PLCG2: variants seen among roughly 807,000 people sequenced by gnomAD.
PLCG2 encodes the protein 1-phosphatidylinositol 4,5-bisphosphate phosphodiesterase gamma-2.
In PLCG2, 69 loss-of-function variants were observed where a neutral mutation model predicts 175.6. The ratio of observed to expected loss-of-function variants is 0.39; its 90% CI spans 0.32 to 0.48. PLCG2 has a LOEUF of 0.48. Among genes scored for constraint, PLCG2 ranks in the 20% least tolerant of loss-of-function variants. The pLI is 0.91. For synonymous variants in PLCG2, 827 were observed against 624.0 expected (o/e 1.33, Z -4.85); for missense variants, 1,798 against 1,650.9 (o/e 1.09, Z -1.54).
intron 2 of PLCG2, among the ~76,000 whole-genome samples, chr16:81,810,610 G>A (rs1055540654): frequency 5.3e-5 from 8 of 150,000 alleles, no homozygotes; most frequent in Non-Finnish European, 8.9e-5. Flanking sequence ...CCTTTCTGCC[G>A]TCCACTTAGT....
chr16:81,803,476 G>A (rs990296615), intron 2 of PLCG2, among the ~76,000 whole-genome samples: 2 of 151,732 alleles, frequency 1.3e-5, no homozygotes, highest in African/African-American at 4.8e-5. Context: ...TGGACATTTA[G>A]GTAGTTCTCT....
At chr16:81,883,414 C>CCGCCTGTGCTCACCTGGT (rs1908190516) in intron 9 of PLCG2, 73 bp downstream of exon 9, 1 of 1,259,326 alleles carries the variant, frequency 7.9e-7, no homozygotes, top group Non-Finnish European at 1.2e-6. Flanking sequence ...CACCCTTCTG[C>CCGCCTGTGCTCACCTGGT]CGCCTGTGCT....
intron 2 of PLCG2, among the ~76,000 whole-genome samples, chr16:81,800,503 A>G (rs949402428): frequency 2.0e-5 from 3 of 152,016 alleles, no homozygotes; most frequent in African/African-American, 7.2e-5. Context: ...GCTGAGGATG[A>G]TGGCTTCCAG....
chr16:81,787,873 G>A (rs904203256), intron 2 of PLCG2, among the ~76,000 whole-genome samples: 2 of 152,080 alleles, frequency 1.3e-5, no homozygotes, highest in Non-Finnish European at 2.9e-5. Context: ...ATTTTTCAAG[G>A]TTCATCCACT....
At chr16:81,746,151 T>C (rs528745769) in intron 1 of PLCG2, among the ~76,000 whole-genome samples, 6 of 152,280 alleles carry the variant, frequency 3.9e-5, no homozygotes, top group African/African-American at 1.4e-4. Context: ...GACCAGCCCA[T>C]GGGTGCTCAG....
At chr16:81,893,487 A>T (rs570510162) in intron 11 of PLCG2, among the ~76,000 whole-genome samples, 36 of 152,284 alleles carry the variant, frequency 2.4e-4, no homozygotes, top group Non-Finnish European at 4.3e-4. Context: ...GTCAGCAGTC[A>T]CTTCCTGCGA....
At chr16:81,816,448 G>A (rs1445021295) in intron 2 of PLCG2, among the ~76,000 whole-genome samples, 1 of 151,140 alleles carries the variant, frequency 6.6e-6, no homozygotes. Flanking sequence ...GGGTGACCTG[G>A]CAAGTCTGAG....
chr16:81,941,257 T>C (rs1393279238), intron 30 of PLCG2, among the ~76,000 whole-genome samples: 1 of 152,166 alleles, frequency 6.6e-6, no homozygotes, highest in African/African-American at 2.4e-5. Context: ...CCGGGCACGG[T>C]GGCTCACTCC....
chr16:81,780,448 A>G (rs4410068), intron 1 of PLCG2, among the ~76,000 whole-genome samples: 128,728 of 152,206 alleles, frequency 0.85, 54,512 homozygotes, highest in South Asian at 0.95. Context: ...CTCGTCCTTG[A>G]CTACAGTTCT....
At chr16:81,885,875 G>C (rs1908335608) in intron 9 of PLCG2, among the ~76,000 whole-genome samples, 1 of 152,202 alleles carries the variant, frequency 6.6e-6, no homozygotes, top group Non-Finnish European at 1.5e-5. Flanking sequence ...TGCCTTCCTA[G>C]TGCCGGGGTT....
chr16:81,857,250 G>A (rs963407737), intron 3 of PLCG2, among the ~76,000 whole-genome samples: 7 of 152,278 alleles, frequency 4.6e-5, no homozygotes, highest in African/African-American at 1.7e-4. Context: ...TTGGGGTTTT[G>A]AAAAGCCTTC....
At chr16:81,762,961 G>T (rs1378059837) in intron 2 of PLCG2, among the ~76,000 whole-genome samples, 3 of 152,198 alleles carry the variant, frequency 2.0e-5, no homozygotes, top group Non-Finnish European at 2.9e-5. Flanking sequence ...GGAGACTGAG[G>T]CAGGAGGATC....
At chr16:81,814,235 G>A (rs188401634) in intron 2 of PLCG2, among the ~76,000 whole-genome samples, 1 of 152,278 alleles carries the variant, frequency 6.6e-6, no homozygotes, top group Admixed American at 6.5e-5. Context: ...TTGTTTTCTG[G>A]TTATTTCACT....
intron 14 of PLCG2, among the ~76,000 whole-genome samples, chr16:81,901,154 C>G (rs113937963): frequency 1.3e-5 from 2 of 152,202 alleles, no homozygotes; most frequent in Non-Finnish European, 2.9e-5. Context: ...CTCTCGGAGA[C>G]AGCCCCATGC....
chr16:81,871,410 T>G (rs1907507951), intron 7 of PLCG2, among the ~76,000 whole-genome samples: 1 of 152,148 alleles, frequency 6.6e-6, no homozygotes, highest in South Asian at 2.1e-4. Context: ...GTGATCTTGG[T>G]TCACTGCAAC....
In PLCG2 at chr16:81,908,425, C is replaced by G. The variant is rs574435526; in HGVS notation, c.1567C>G (p.Pro523Ala). The G allele has an allele frequency of 1.7e-5, 27 of 1,613,806 alleles. No individual in the cohort carries two copies. The highest frequency in any genetic ancestry group is 1.5e-4 in the African/African-American group (11 of 75,028). The change falls in exon 17 of 33, where the codon CCT becomes GCT. Residue 523 changes from proline to alanine, a missense_variant. Pro to Ala is a conservative substitution (Grantham distance 27). Coordinates refer to ENST00000564138, the MANE Select transcript of PLCG2 (RefSeq NM_002661.5). ...MEEEVPQDIP[P>A]TELHFGEKWF... ...TCTCTTTGCGGCCCAGGATATACCC[C>G]CTACAGAACTACATTTTGGGGAGAA...
chr16:81,800,381 A>G (rs191020056), intron 2 of PLCG2, among the ~76,000 whole-genome samples: 42 of 152,182 alleles, frequency 2.8e-4, no homozygotes, highest in African/African-American at 8.2e-4. Flanking sequence ...CTGCTCCCCA[A>G]CAGGCCCTGG....
intron 5 of PLCG2, among the ~76,000 whole-genome samples, chr16:81,860,662 A>T (rs543639653): frequency 6.6e-6 from 1 of 152,098 alleles, no homozygotes; most frequent in Non-Finnish European, 1.5e-5. Flanking sequence ...TCAGCTCTTG[A>T]TAATGTAATG....
intron 2 of PLCG2, among the ~76,000 whole-genome samples, chr16:81,764,097 A>T (rs569519463): frequency 9.2e-5 from 14 of 152,084 alleles, no homozygotes; most frequent in Non-Finnish European, 2.1e-4. Context: ...GTTCGAGACC[A>T]GCCTGGGTAA....
Sources: allele counts gnomAD v4.1 joint callset (sites outside exome capture counted in the v4.1 genomes callset), GRCh38; gene constraint gnomAD v4.1.1; transcripts MANE v1.5; gene names NCBI Gene and HGNC (gene_info 2026-07-23, HGNC 2026-07-21).